Variants in FOXP1 observed in about 807,000 individuals in gnomAD.
The protein encoded by FOXP1 is forkhead box P1.
A neutral mutation model predicts 98.2 loss-of-function variants in FOXP1; 15 were observed. The observed-to-expected ratio is 0.15, with a 90% CI of 0.10 to 0.24. The LOEUF (loss-of-function observed/expected upper bound fraction) is 0.24, where lower values mean the gene tolerates loss of function less well. Among genes scored for constraint, FOXP1 ranks in the 10% least tolerant of loss-of-function variants. FOXP1 has a pLI of 1.00. For synonymous variants in FOXP1, 371 were observed against 314.5 expected (o/e 1.18, Z -1.90); for missense variants, 633 against 848.5 (o/e 0.75, Z 3.15).
At chr3:71,457,697 T>C (rs2087636591) in intron 3 of FOXP1, among the ~76,000 whole-genome samples, 1 of 152,176 alleles carries the variant, frequency 6.6e-6, no homozygotes, top group African/African-American at 2.4e-5. Flanking sequence ...ACAAAAATAC[T>C]AGGGGAAAGG....
chr3:71,566,123 C>A (rs938620085), intron 2 of FOXP1, among the ~76,000 whole-genome samples: 1 of 152,156 alleles, frequency 6.6e-6, no homozygotes, highest in Admixed American at 6.5e-5. Context: ...AGATTCTGCC[C>A]GAGCCGCTCC....
At chr3:71,256,244 A>G (rs1208142091) in intron 5 of FOXP1, among the ~76,000 whole-genome samples, 1 of 152,184 alleles carries the variant, frequency 6.6e-6, no homozygotes, top group Non-Finnish European at 1.5e-5. Flanking sequence ...GAAAGTCACA[A>G]AAGATGGGAC....
At chr3:71,104,465 A>G (rs948141346) in intron 7 of FOXP1, among the ~76,000 whole-genome samples, 2 of 152,190 alleles carry the variant, frequency 1.3e-5, no homozygotes, top group Non-Finnish European at 2.9e-5. Flanking sequence ...AGTGTCTAAC[A>G]GAACTTTTGA....
intron 5 of FOXP1, among the ~76,000 whole-genome samples, chr3:71,248,493 A>G (rs2067925062): frequency 6.6e-6 from 1 of 152,220 alleles, no homozygotes; most frequent in African/African-American, 2.4e-5. Flanking sequence ...CTGTAATCCC[A>G]GCACTTTGGG....
intron 5 of FOXP1, among the ~76,000 whole-genome samples, chr3:71,297,158 T>TA (rs2073382318): frequency 6.6e-6 from 1 of 152,184 alleles, no homozygotes; most frequent in Admixed American, 6.5e-5. Context: ...ACTGAGCATA[T>TA]AAAATACTTT....
At chr3:71,387,001 C>A (rs187450617) in intron 3 of FOXP1, among the ~76,000 whole-genome samples, 105 of 152,212 alleles carry the variant, frequency 6.9e-4, no homozygotes, top group Admixed American at 1.6e-3. Flanking sequence ...TGTGTACCAA[C>A]CAAAGGAATT....
intron 4 of FOXP1, among the ~76,000 whole-genome samples, chr3:71,307,177 T>C (rs911580917): frequency 1.3e-5 from 2 of 152,238 alleles, no homozygotes; most frequent in Non-Finnish European, 2.9e-5. Flanking sequence ...GGCTGTGCTA[T>C]AGGATGTGTC....
At chr3:71,076,727 T>C (rs1160488324) in intron 7 of FOXP1, among the ~76,000 whole-genome samples, 1 of 152,250 alleles carries the variant, frequency 6.6e-6, no homozygotes, top group African/African-American at 2.4e-5. Flanking sequence ...TTCTCCTTCT[T>C]CCTGTTTTGA....
At chr3:71,159,533 T>C (rs1469989700) in intron 6 of FOXP1, among the ~76,000 whole-genome samples, 4 of 152,162 alleles carry the variant, frequency 2.6e-5, no homozygotes, top group African/African-American at 9.7e-5. Context: ...GGACCCAGCT[T>C]CATCAAGGGA....
chr3:71,328,919 C>G (rs867637961), intron 4 of FOXP1, among the ~76,000 whole-genome samples: 2 of 140,560 alleles, frequency 1.4e-5, no homozygotes, highest in Non-Finnish European at 3.0e-5. Flanking sequence ...TGTGGTGAGC[C>G]GAGATCGTGC....
At position 71,354,385 on chromosome 3, in the gene FOXP1, T is replaced by G. The variant is rs942031460; in HGVS notation, c.-73+4765A>C. On this transcript the variant is annotated intron_variant, in intron 4 of 20. Coordinates refer to ENST00000649528, the MANE Select transcript of FOXP1 (RefSeq NM_001349338.3). ...CTGATTAACTTAAAGGCAAAACATA[T>G]CCCCAGCAAGAAGGCGTACAGACAC... Among the ~76,000 whole-genome samples, 6 of 151,736 alleles carry G rather than the reference T, an allele frequency of 4.0e-5. No homozygotes were observed. The South Asian group carries it at 6.2e-4, about 16-fold the overall frequency.
intron 2 of FOXP1, among the ~76,000 whole-genome samples, chr3:71,567,622 C>T (rs929480573): frequency 2.6e-5 from 4 of 152,266 alleles, no homozygotes; most frequent in African/African-American, 7.2e-5. Context: ...GCAGTGGTAC[C>T]GCACGTCCAT....
intron 5 of FOXP1, among the ~76,000 whole-genome samples, chr3:71,256,787 G>A (rs2068662582): frequency 6.6e-6 from 1 of 152,190 alleles, no homozygotes; most frequent in Admixed American, 6.5e-5. Context: ...GGGTAGATAT[G>A]GGACTTAGAC....
intron 14 of FOXP1, among the ~76,000 whole-genome samples, chr3:70,980,360 A>T (rs953779721): frequency 6.6e-6 from 1 of 152,238 alleles, no homozygotes; most frequent in Non-Finnish European, 1.5e-5. Context: ...TAAGCCTAAG[A>T]ATCTCAGAGC....
intron 2 of FOXP1, among the ~76,000 whole-genome samples, chr3:71,566,770 A>C (rs2046944061): frequency 6.6e-6 from 1 of 152,176 alleles, no homozygotes; most frequent in Admixed American, 6.5e-5. Flanking sequence ...ACCCTCCTGA[A>C]GGCGCTGGGC....
Position 70,955,524 on chromosome 3 carries a change from G to GA in FOXP1, c.*3722dup, listed in dbSNP as rs886058821. On this transcript the variant is annotated 3_prime_UTR_variant, in exon 21 of 21. Transcript: ENST00000649528. ...CTCCCTAATGTATGCTTTTCTTTGA[G>GA]AAAAAAAAAGTAACAGATTTTCTTT... is the stretch of plus-strand genomic sequence containing the variant. 2.7e-4 allele frequency: 61 copies of GA among 225,188 alleles called. No individual in the cohort carries two copies. Among genetic ancestry groups the GA allele is most frequent in the East Asian group, 8.1e-4 (13 of 16,000 alleles). 13.9% of individuals were successfully genotyped at this position (225,188 alleles called of 1,614,324 possible).
At chr3:71,470,112 A>T (rs941119263) in intron 3 of FOXP1, among the ~76,000 whole-genome samples, 19 of 152,120 alleles carry the variant, frequency 1.2e-4, no homozygotes, top group South Asian at 8.3e-4. Context: ...TAAAAAAGGA[A>T]TTTTGAGTCT....
At chr3:71,139,858 A>G (rs1162065232) in intron 6 of FOXP1, among the ~76,000 whole-genome samples, 1 of 152,192 alleles carries the variant, frequency 6.6e-6, no homozygotes, top group East Asian at 1.9e-4. Flanking sequence ...CTGGATATGA[A>G]TCAATACTTC....
chr3:71,419,889 G>C (rs903218554), intron 3 of FOXP1, among the ~76,000 whole-genome samples: 1 of 151,636 alleles, frequency 6.6e-6, no homozygotes, highest in Non-Finnish European at 1.5e-5. Flanking sequence ...ATCTCGGCTC[G>C]CTGCAACCTC....
Sources: allele counts gnomAD v4.1 joint callset (sites outside exome capture counted in the v4.1 genomes callset), GRCh38; gene constraint gnomAD v4.1.1; transcripts MANE v1.5; gene names NCBI Gene and HGNC (gene_info 2026-07-23, HGNC 2026-07-21).